Variants in SCN8A observed in about 807,000 individuals in gnomAD.
The protein encoded by SCN8A is sodium channel protein type 8 subunit alpha.
Under a neutral mutation model 184.1 loss-of-function variants are expected in SCN8A, and 30 were observed. That is an observed-to-expected ratio of 0.16 (90% CI 0.12 to 0.22). The LOEUF is 0.22. Among genes scored for constraint, SCN8A ranks in the 10% least tolerant of loss-of-function variants. The probability of loss-of-function intolerance (pLI) is 1.00; values close to 1 mark genes in which losing one functional copy is unlikely to be tolerated. For synonymous variants in SCN8A, 852 were observed against 907.0 expected, an observed-to-expected ratio of 0.94 and a Z score of 1.09; for missense variants, 1,057 against 2,498.9, an observed-to-expected ratio of 0.42 and a Z score of 12.30.
intron 1 of SCN8A, among the ~76,000 whole-genome samples, chr12:51,639,072 C>T (rs912993922): frequency 1.3e-5 from 2 of 151,746 alleles, no homozygotes; most frequent in African/African-American, 2.4e-5. Flanking sequence ...CCTTGACCTC[C>T]GGGCTCAAGT....
intron 12 of SCN8A, among the ~76,000 whole-genome samples, chr12:51,735,722 G>A (rs1009771936): frequency 1.3e-5 from 2 of 152,104 alleles, no homozygotes; most frequent in African/African-American, 2.4e-5. Flanking sequence ...CCTCAGCATC[G>A]GTCTCGACAT....
intron 14 of SCN8A, among the ~76,000 whole-genome samples, chr12:51,756,126 C>G (rs1942670283): frequency 6.6e-6 from 1 of 152,118 alleles, no homozygotes; most frequent in African/African-American, 2.4e-5. Flanking sequence ...ACCAGACTCT[C>G]CCCTGACATA....
intron 19 of SCN8A, among the ~76,000 whole-genome samples, chr12:51,773,094 G>A (rs1334296474): frequency 2.6e-5 from 4 of 151,568 alleles, no homozygotes; most frequent in Non-Finnish European, 1.5e-5. Flanking sequence ...TCCATCCTGG[G>A]CAACTGAGCG....
At chr12:51,744,865 A>G (rs575444235) in intron 12 of SCN8A, among the ~76,000 whole-genome samples, 10 of 152,168 alleles carry the variant, frequency 6.6e-5, no homozygotes, top group Non-Finnish European at 1.5e-4. Context: ...TAAAACAGCT[A>G]GGATCATTCT....
chr12:51,631,920 G>A lies in SCN8A; in HGVS notation c.-54-30844G>A, dbSNP rs560948175. 2.9e-4 allele frequency among the ~76,000 whole-genome samples: 44 copies of A among 152,324 alleles called. No individual in the cohort carries two copies. The South Asian group carries it at 8.9e-3, about 31-fold the overall frequency. ...AAGTAAGCCGAGAGACAGGATGCTAGAGTTCTATTCTTGGCCCAGCTATGC... is the reference window on the plus strand; with the variant it reads ...AAGTAAGCCGAGAGACAGGATGCTAAAGTTCTATTCTTGGCCCAGCTATGC... On this transcript the variant is annotated intron_variant, in intron 1 of 26. Transcript: ENST00000627620.
intron 14 of SCN8A, among the ~76,000 whole-genome samples, chr12:51,755,973 C>T (rs1375701231): frequency 2.0e-5 from 3 of 152,004 alleles, no homozygotes; most frequent in South Asian, 2.1e-4. Context: ...GCACCCGAGC[C>T]GTGTCCTCCA....
intron 21 of SCN8A, among the ~76,000 whole-genome samples, chr12:51,781,178 AG>A (rs1353463867): frequency 2.0e-5 from 3 of 152,170 alleles, no homozygotes; most frequent in Non-Finnish European, 2.9e-5. Context: ...GGCATCAGCC[AG>A]GTGGGGACTG....
At position 51,712,635 on chromosome 12, in the gene SCN8A, T is replaced by TA. The variant is rs543820270; in HGVS notation, c.1635+5921dup. 5.1e-3 allele frequency: 4,003 copies of TA among 784,896 alleles called. 22 individuals carry two copies. Among genetic ancestry groups the TA allele is most frequent in the Middle Eastern group, 0.01 (43 of 4,100 alleles). 48.6% of individuals were successfully genotyped at this position (784,896 alleles called of 1,614,324 possible). On this transcript the variant is annotated intron_variant, in intron 11 of 26. Coordinates refer to ENST00000627620, the MANE Select transcript of SCN8A (RefSeq NM_001330260.2). ...TTATAGTTCCCACCACCACCATAGT[T>TA]ACCACCGCCAAAATTTCCTCCTTCA...
In SCN8A at chr12:51,760,678, C is replaced by A. The variant is rs576788769; in HGVS notation, c.2371-1825C>A. 2.6e-5 allele frequency among the ~76,000 whole-genome samples: 4 copies of A among 152,312 alleles called. No individual in the cohort carries two copies. In the East Asian group the frequency reaches 7.7e-4, roughly 29 times the overall value. Reference sequence around the variant, plus strand: ...GGATTTGATGAGCTGTCTGTACTTTCCCTGAACTCACTCAGAGGGATGTTC... The same window carrying A: ...GGATTTGATGAGCTGTCTGTACTTTACCTGAACTCACTCAGAGGGATGTTC... On this transcript the variant is annotated intron_variant, in intron 14 of 26. Coordinates refer to ENST00000627620, the MANE Select transcript of SCN8A (RefSeq NM_001330260.2).
At chr12:51,774,092 G>A (rs1327142864) in intron 19 of SCN8A, 97 bp from the exon 20 acceptor site, 1 of 1,057,822 alleles carries the variant, frequency 9.5e-7, no homozygotes, top group African/African-American at 1.6e-5. Context: ...CTGATGACAG[G>A]CCAGCCCATG....
intron 12 of SCN8A, among the ~76,000 whole-genome samples, chr12:51,733,820 T>C (rs878889826): frequency 1.3e-5 from 2 of 152,216 alleles, no homozygotes; most frequent in Non-Finnish European, 2.9e-5. Flanking sequence ...GTCTAGGAAT[T>C]TATTCACTTT....
chr12:51,668,487 C>A (rs1178638685), intron 2 of SCN8A, among the ~76,000 whole-genome samples: 1 of 152,136 alleles, frequency 6.6e-6, no homozygotes, highest in Non-Finnish European at 1.5e-5. Flanking sequence ...TTAATTGATT[C>A]TCAGCCTCAA....
intron 2 of SCN8A, among the ~76,000 whole-genome samples, chr12:51,672,110 A>G (rs1307727827): frequency 6.6e-6 from 1 of 151,980 alleles, no homozygotes; most frequent in Non-Finnish European, 1.5e-5. Context: ...TTCCTTTCCC[A>G]TAGTCTGTAA....
chr12:51,718,794 G>A (rs1390902208), intron 11 of SCN8A, among the ~76,000 whole-genome samples: 6 of 150,906 alleles, frequency 4.0e-5, no homozygotes, highest in African/African-American at 1.2e-4. Flanking sequence ...CCATCTATTG[G>A]GTTAAACGAG....
At chr12:51,639,089 C>G (rs2138628465) in intron 1 of SCN8A, among the ~76,000 whole-genome samples, 1 of 151,970 alleles carries the variant, frequency 6.6e-6, no homozygotes, top group African/African-American at 2.4e-5. Flanking sequence ...AAGTGATCCT[C>G]CCACCCAGCC....
chr12:51,768,733 G>A, intron 16 of SCN8A, 132 bp from the exon 17 acceptor site: 2 of 659,146 alleles, frequency 3.0e-6, no homozygotes, highest in East Asian at 2.8e-5. Context: ...AAAATACTAC[G>A]TGGGCCAAAC....
At chr12:51,728,940 A>C (rs1009595879) in intron 12 of SCN8A, among the ~76,000 whole-genome samples, 22 of 151,930 alleles carry the variant, frequency 1.4e-4, no homozygotes, top group African/African-American at 5.3e-4. Flanking sequence ...GCCACATTTC[A>C]AGCCTTCCCT....
At chr12:51,778,269 C>A (rs1937774224) in intron 20 of SCN8A, among the ~76,000 whole-genome samples, 1 of 151,774 alleles carries the variant, frequency 6.6e-6, no homozygotes, top group African/African-American at 2.4e-5. Context: ...AGGTCCATAT[C>A]CCTTTTTATT....
chr12:51,697,883 C>CTT (rs1941621199), intron 6 of SCN8A, among the ~76,000 whole-genome samples: 1 of 152,200 alleles, frequency 6.6e-6, no homozygotes, highest in Non-Finnish European at 1.5e-5. Context: ...GAGTCTCGCT[C>CTT]TGTTGACCAG....
Sources: gnomAD v4.1 joint callset for allele counts (sites outside exome capture counted in the v4.1 genomes callset) on GRCh38, gnomAD v4.1.1 for gene constraint, MANE v1.5 for transcripts, NCBI Gene and HGNC (gene_info 2026-07-23, HGNC 2026-07-21) for gene names.